The following RABL6 variants were observed in gnomAD, a reference collection of about 807,000 sequenced individuals.
The protein encoded by RABL6 is rab-like protein 6.
A neutral mutation model predicts 72.9 loss-of-function variants in RABL6; 28 were observed. The ratio of observed to expected loss-of-function variants is 0.38; its 90% confidence interval spans 0.28 to 0.53. The LOEUF (loss-of-function observed/expected upper bound fraction) is 0.53, where lower values mean the gene tolerates loss of function less well. RABL6 is among the 20% of genes least tolerant of loss of function. The pLI, the probability that RABL6 is intolerant of heterozygous loss-of-function variation, is 0.80. For missense variants in RABL6, 1,029 were observed against 1,008.4 expected (o/e 1.02, Z -0.28); for synonymous variants, 477 against 421.2 (o/e 1.13, Z -1.62).
intron 7 of RABL6, chr9:136,833,898 C>A: frequency 6.4e-7 from 1 of 1,550,532 alleles, no homozygotes; most frequent in Non-Finnish European, 8.7e-7. Flanking sequence ...GAGCCGTCCC[C>A]TCATCACTGG....
At chr9:136,821,811 G>A (rs2131173615) in intron 1 of RABL6, 1 of 1,183,022 alleles carries the variant, frequency 8.5e-7, no homozygotes, top group African/African-American at 1.7e-5. Flanking sequence ...AGAGGGAGGG[G>A]AACGAGGGCC....
intron 7 of RABL6, among the ~76,000 whole-genome samples, chr9:136,834,648 T>G (rs950087695): frequency 2.0e-5 from 3 of 152,122 alleles, no homozygotes; most frequent in Non-Finnish European, 4.4e-5. Flanking sequence ...CTGGCTAATT[T>G]TTGTATTTTT....
chr9:136,833,693 G>A, intron 7 of RABL6: 3 of 1,549,328 alleles, frequency 1.9e-6, no homozygotes, highest in Non-Finnish European at 2.6e-6. Context: ...CCCAGCTGCA[G>A]CTGCAGCAGC....
At chr9:136,828,740 C>T (rs1848410276) in intron 4 of RABL6, among the ~76,000 whole-genome samples, 194 bp downstream of exon 4, 1 of 152,234 alleles carries the variant, frequency 6.6e-6, no homozygotes, top group African/African-American at 2.4e-5. Flanking sequence ...CTCACCTGCA[C>T]TCGACAGACA....
intron 1 of RABL6, among the ~76,000 whole-genome samples, chr9:136,820,696 TAAAATC>T (rs913102224): frequency 4.6e-5 from 7 of 151,450 alleles, no homozygotes; most frequent in Non-Finnish European, 1.0e-4. Context: ...AAAGCAAAAA[TAAAATC>T]AAAGGAAGGT....
intron 2 of RABL6, among the ~76,000 whole-genome samples, chr9:136,825,381 G>T (rs1335845224): frequency 7.0e-6 from 1 of 142,044 alleles, no homozygotes; most frequent in Non-Finnish European, 1.5e-5. Flanking sequence ...CCAGTATGCT[G>T]AGGCCAGGAG....
chr9:136,818,342 A>G (rs1295987587), intron 1 of RABL6, among the ~76,000 whole-genome samples: 3 of 129,786 alleles, frequency 2.3e-5, no homozygotes, highest in Non-Finnish European at 4.7e-5. Context: ...CAGCCTGGGC[A>G]ACAAAACCAG....
In RABL6 at chr9:136,839,670, G is replaced by GA. The variant is rs778829982; in HGVS notation, c.1759-23dup. 6 of 1,565,714 alleles carry GA rather than the reference G, an allele frequency of 3.8e-6. No individual in the cohort carries two copies. The East Asian group carries it at 1.4e-4, about 35-fold the overall frequency. ...GGGGGTGTGGGAGGGATGATGGCCT[G>GA]ACCAGTTGCTCTCCCTGCTCCAGGA... is the stretch of plus-strand genomic sequence containing the variant. On this transcript the variant is annotated intron_variant, in intron 12 of 14. Coordinates refer to ENST00000311502, the MANE Select transcript of RABL6 (RefSeq NM_024718.5).
At position 136,817,472 on chromosome 9, in the gene RABL6, G is replaced by A. The variant is rs80101748; in HGVS notation, c.131-6053G>A. ...CATGCAGTGGACTGGTGACCAGCTCGCAGCAAACCTGTGGCTGAGGGGAGG... is the reference window on the plus strand; with the variant it reads ...CATGCAGTGGACTGGTGACCAGCTCACAGCAAACCTGTGGCTGAGGGGAGG... On this transcript the variant is annotated intron_variant, in intron 1 of 14. Coordinates refer to ENST00000311502, the MANE Select transcript of RABL6 (RefSeq NM_024718.5). 4.8e-3 allele frequency among the ~76,000 whole-genome samples: 716 copies of A among 150,528 alleles called. 23 individuals are homozygous for A. The highest frequency in any genetic ancestry group is 0.017 in the African/African-American group (685 of 39,880).
Position 136,822,510 on chromosome 9 carries a change from T to C in RABL6, c.131-1015T>C, listed in dbSNP as rs567560954. On this transcript the variant is annotated intron_variant, in intron 1 of 14. Coordinates refer to ENST00000311502, the MANE Select transcript of RABL6 (RefSeq NM_024718.5). ...CTGCTGCGTCCGCACAGCTTCTCGGTCATTCTCGATCCTGTTCTTCCAGCA... is the reference window on the plus strand; with the variant it reads ...CTGCTGCGTCCGCACAGCTTCTCGGCCATTCTCGATCCTGTTCTTCCAGCA... Among the ~76,000 whole-genome samples the C allele has an allele frequency of 2.6e-5, 4 of 152,294 alleles. No individual in the cohort carries two copies. The South Asian group carries it at 8.3e-4, about 32-fold the overall frequency.
At chr9:136,822,293 G>C (rs965663687) in intron 1 of RABL6, among the ~76,000 whole-genome samples, 10 of 152,180 alleles carry the variant, frequency 6.6e-5, no homozygotes, top group Admixed American at 5.2e-4. Context: ...GGAGCCTGCA[G>C]ACCTGCTCCT....
intron 9 of RABL6, 24 bp downstream of exon 9, chr9:136,837,686 C>A (rs528024777): frequency 1.9e-6 from 3 of 1,559,106 alleles, no homozygotes; most frequent in African/African-American, 2.7e-5. Context: ...CTGCCCCTCC[C>A]AAACTGGTCC....
At chr9:136,815,253 C>G in intron 1 of RABL6, 1 of 300,260 alleles carries the variant, frequency 3.3e-6, no homozygotes, top group South Asian at 3.2e-5. Flanking sequence ...TGCTATGGCT[C>G]CCTTCTTGGC....
intron 3 of RABL6, chr9:136,828,190 C>T (rs1028400571): frequency 3.9e-5 from 12 of 311,162 alleles, no homozygotes; most frequent in Non-Finnish European, 6.0e-5. Flanking sequence ...CAGCAGCAAA[C>T]CCTCCTGGTG....
At chr9:136,837,158 AG>A in intron 8 of RABL6, 187 bp from the exon 9 acceptor site, 1 of 740,880 alleles carries the variant, frequency 1.3e-6, no homozygotes, top group Non-Finnish European at 2.4e-6. Context: ...TACAGGCATG[AG>A]CCACCGTGCC....
chr9:136,840,492 CCCTGGG>C lies in RABL6; in HGVS notation c.2161_2166del (p.Pro721_Gly722del). ...GGGGCGGGGCCCCGGGCGGCCGCCACCCTGGGGGTGGCGACTACGAGGAGCTCTAGG... is the reference window on the plus strand; with the variant it reads ...GGGGCGGGGCCCCGGGCGGCCGCCACGGTGGCGACTACGAGGAGCTCTAGG... On this transcript the variant is annotated inframe_deletion, in exon 15 of 15. Coordinates refer to ENST00000311502, the MANE Select transcript of RABL6 (RefSeq NM_024718.5). The C allele has an allele frequency of 2.6e-6, 4 of 1,529,708 alleles. No homozygotes were observed. The South Asian group carries it at 3.7e-5, about 14-fold the overall frequency. 94.8% of individuals were successfully genotyped at this position (1,529,708 alleles called of 1,614,324 possible). A position where few individuals can be genotyped will look rare whatever the true frequency, so the allele number is the denominator to read the frequency against.
At chr9:136,830,923 C>A (rs1362185241) in intron 5 of RABL6, 1 of 154,538 alleles carries the variant, frequency 6.5e-6, no homozygotes, top group East Asian at 1.9e-4. Context: ...CGGCTTCAAG[C>A]ACCACGCAGG....
intron 1 of RABL6, chr9:136,813,134 A>G: frequency 2.3e-6 from 1 of 435,224 alleles, no homozygotes. Flanking sequence ...GTGTCCTCAG[A>G]CAGGCCTTTG....
intron 1 of RABL6, among the ~76,000 whole-genome samples, chr9:136,818,888 ATAT>A (rs1179268313): frequency 3.9e-5 from 6 of 152,344 alleles, no homozygotes; most frequent in East Asian, 3.9e-4. Flanking sequence ...TCAGATCTCT[ATAT>A]TATTATTAAG....
Sources: allele counts gnomAD v4.1 joint callset (sites outside exome capture counted in the v4.1 genomes callset), GRCh38; gene constraint gnomAD v4.1.1; transcripts MANE v1.5; gene names NCBI Gene and HGNC (gene_info 2026-07-23, HGNC 2026-07-21).